Variants in CEP104 observed in about 807,000 individuals in gnomAD.
CEP104 encodes centrosomal protein 104.
CEP104 carries 84 observed loss-of-function variants against 113.3 expected under a neutral mutation model. The observed-to-expected ratio is 0.74, with a 90% CI of 0.62 to 0.89. The LOEUF (loss-of-function observed/expected upper bound fraction) is 0.89, where lower values mean the gene tolerates loss of function less well. CEP104 is among the 40% of genes least tolerant of loss of function. CEP104 has a pLI of 0.00. For synonymous variants in CEP104, 378 were observed against 421.7 expected (o/e 0.90, Z 1.27); for missense variants, 1,053 against 1,156.6 (o/e 0.91, Z 1.30).
chr1:3,828,152 C>A (rs914379780), intron 15 of CEP104, among the ~76,000 whole-genome samples: 1 of 152,152 alleles, frequency 6.6e-6, no homozygotes. Context: ...GTGAGGGAGG[C>A]GGGAGGCAGG....
Position 3,823,538 on chromosome 1 carries a change from C to G in CEP104, c.2389G>C (p.Glu797Gln), listed in dbSNP as rs1644023257. 6.2e-7 allele frequency: 1 copy of G among 1,614,104 alleles called. No individual in the cohort carries two copies. Among genetic ancestry groups the G allele is most frequent in the African/African-American group, 1.3e-5 (1 of 74,934 alleles). ...KQVVEISSLT[E>Q]HLLTECDKKD... Reference sequence around the variant, plus strand: ...TTGTCACATTCCGTCAGCAAGTGCTCCGTCAGACTGGATATCTCGACCACC... The same window carrying G: ...TTGTCACATTCCGTCAGCAAGTGCTGCGTCAGACTGGATATCTCGACCACC... The change falls in exon 19 of 22, where the codon GAG becomes CAG. Residue 797 changes from glutamate to glutamine, a missense_variant. By Grantham distance (29) the Glu-to-Gln change is conservative. Coordinates refer to ENST00000378230, the MANE Select transcript of CEP104 (RefSeq NM_014704.4). The surrounding 1 kb of genome is among the most constrained non-coding windows in gnomAD (Gnocchi z 4.1).
intron 13 of CEP104, among the ~76,000 whole-genome samples, chr1:3,830,557 A>G (rs990463451): frequency 2.6e-5 from 4 of 151,900 alleles, no homozygotes; most frequent in Non-Finnish European, 5.9e-5. Flanking sequence ...GCGGATCACG[A>G]GGTCAGGAGA....
rs898222302 is a variant in CEP104 at position 3,819,153 on chromosome 1, A to G, written c.2572-2783T>C. On this transcript the variant is annotated intron_variant, in intron 20 of 21. Transcript: ENST00000378230. This position sits in a 1 kb window ranked among gnomAD's most constrained non-coding sequence, Gnocchi z 4.6. ...GTATGTTCAAGGACTTGAACGTGCA[A>G]TGAAGTGCTACTGATCTATTAGAAC... is the stretch of plus-strand genomic sequence containing the variant. Among the ~76,000 whole-genome samples the G allele has an allele frequency of 6.6e-6, 1 of 152,226 alleles. No individual in the cohort carries two copies. Among genetic ancestry groups the G allele is most frequent in the Admixed American group, 6.5e-5 (1 of 15,286 alleles).
At chr1:3,846,943 A>T (rs750621928) in intron 4 of CEP104, among the ~76,000 whole-genome samples, 37 of 152,338 alleles carry the variant, frequency 2.4e-4, no homozygotes, top group Middle Eastern at 3.4e-3. Flanking sequence ...CTGAAGCTGG[A>T]GAGATTCTGG....
Position 3,834,934 on chromosome 1 carries a change from A to C in CEP104, c.1476T>G (p.Ile492Met). 1.9e-6 allele frequency: 3 copies of C among 1,590,876 alleles called. No individual in the cohort carries two copies. The highest frequency in any genetic ancestry group is 2.6e-6 in the Non-Finnish European group (3 of 1,167,798). Reference protein sequence around the residue: ...VFLVRRAIKDIVTSVFQASLK... With the variant: ...VFLVRRAIKDMVTSVFQASLK... The stretch of plus-strand genomic sequence containing the variant: ...AGCTGAGGGCACTCACGGAGGTCAC[A>C]ATGTCCTTTATGGCTCTTCTAACGA... Residue 492 changes from isoleucine (I) to methionine (M), a missense_variant, in exon 11 of 22, where the codon ATT (isoleucine) becomes ATG (methionine). By Grantham distance (10) the Ile-to-Met change is conservative (BLOSUM62 1). Transcript: ENST00000378230.
At chr1:3,851,113 A>T (rs1243427952) in intron 2 of CEP104, among the ~76,000 whole-genome samples, 2 of 152,092 alleles carry the variant, frequency 1.3e-5, no homozygotes, top group Non-Finnish European at 2.9e-5. Context: ...TGCTGCCTGC[A>T]TGGGCAGTGC....
intron 1 of CEP104, chr1:3,856,005 G>A (rs561057809): frequency 2.8e-5 from 26 of 935,278 alleles, no homozygotes; most frequent in Admixed American, 6.2e-5. Flanking sequence ...CCTAGTGCTG[G>A]CATGGTAAAA....
In CEP104 at chr1:3,834,983, T is replaced by C; in HGVS notation, c.1427A>G (p.Asn476Ser). The C allele has an allele frequency of 4.3e-6, 7 of 1,613,086 alleles. No homozygotes were observed. Among genetic ancestry groups the C allele is most frequent in the Non-Finnish European group, 5.1e-6 (6 of 1,179,490 alleles). Residue 476 changes from asparagine (N) to serine (S), a missense_variant, in exon 11 of 22, where the codon AAC becomes AGC. Physicochemically the swap from Asn to Ser is conservative, Grantham distance 46. Transcript: ENST00000378230. ...GAGAAAGACGGATGCTCTCAGTGTGTTCTTTAAATCTTCTTTTGGGGTTCC... is the reference window on the plus strand; with the variant it reads ...GAGAAAGACGGATGCTCTCAGTGTGCTCTTTAAATCTTCTTTTGGGGTTCC... Reference protein sequence around the residue: ...PVGTPKEDLKNTLRASVFLVR... With the variant: ...PVGTPKEDLKSTLRASVFLVR...
At position 3,837,469 on chromosome 1, in the gene CEP104, A is replaced by G; in HGVS notation, c.942T>C (p.Ser314=). Residue 314 remains serine, a synonymous_variant, in exon 9 of 22, where the codon AGT becomes AGC. Transcript: ENST00000378230. ...LPLQPLARSG[S]PCHQKPMPSL... is the part of the protein sequence containing the mutation. Reference sequence around the variant, plus strand: ...AGGGCATTGGCTTTTGGTGGCAAGGACTGCCAGAACGAGCGAGGGGCTGGA... The same window carrying G: ...AGGGCATTGGCTTTTGGTGGCAAGGGCTGCCAGAACGAGCGAGGGGCTGGA... 6.2e-7 allele frequency: 1 copy of G among 1,614,226 alleles called. No individual in the cohort carries two copies. The highest frequency in any genetic ancestry group is 1.1e-5 in the South Asian group (1 of 91,084).
At chr1:3,855,147 C>T (rs924452645) in intron 1 of CEP104, among the ~76,000 whole-genome samples, 1 of 147,934 alleles carries the variant, frequency 6.8e-6, no homozygotes, top group African/African-American at 2.5e-5. Context: ...GTTGGGATTA[C>T]AGGCGTGGCC....
At chr1:3,844,010 T>A (rs774801206) in intron 6 of CEP104, among the ~76,000 whole-genome samples, 14 of 151,008 alleles carry the variant, frequency 9.3e-5, no homozygotes, top group African/African-American at 3.4e-4. Flanking sequence ...TCCACCCACC[T>A]TTGGCCTCCC....
At chr1:3,855,880 C>T in intron 1 of CEP104, 1 of 984,248 alleles carries the variant, frequency 1.0e-6, no homozygotes, top group Non-Finnish European at 1.2e-6. Context: ...TCACCAGAGG[C>T]ATGAGGGATC....
At chr1:3,838,767 G>A (rs1644360490) in intron 8 of CEP104, among the ~76,000 whole-genome samples, 197 bp downstream of exon 8, 1 of 152,194 alleles carries the variant, frequency 6.6e-6, no homozygotes, top group Non-Finnish European at 1.5e-5. Context: ...CCACGACTGT[G>A]AGTCTCCTGA....
chr1:3,836,473 T>G (rs1052019453), intron 10 of CEP104, 22 bp downstream of exon 10: 1 of 1,381,754 alleles, frequency 7.2e-7, no homozygotes. Flanking sequence ...ACCCCGTTTT[T>G]TTTTTTTTTT....
Position 3,827,620 on chromosome 1 carries a change from C to T in CEP104, c.2152-876G>A, listed in dbSNP as rs1451992625. Among the ~76,000 whole-genome samples the T allele has an allele frequency of 2.0e-5, 3 of 152,228 alleles. No individual in the cohort carries two copies. The East Asian group carries it at 5.8e-4, about 29-fold the overall frequency. ...GTTGCACAACAATGTGAGAGCACTCCATGCCACCACAGTGTGCACTGAAAA... is the reference window on the plus strand; with the variant it reads ...GTTGCACAACAATGTGAGAGCACTCTATGCCACCACAGTGTGCACTGAAAA... On this transcript the variant is annotated intron_variant, in intron 15 of 21. Transcript: ENST00000378230.
chr1:3,850,791 G>C (rs1451700451), intron 2 of CEP104, among the ~76,000 whole-genome samples: 2 of 152,224 alleles, frequency 1.3e-5, no homozygotes, highest in African/African-American at 2.4e-5. Context: ...TCCTCTGAAA[G>C]CACGTTACTG....
Position 3,839,557 on chromosome 1 carries a change from T to C in CEP104, c.735+51A>G, listed in dbSNP as rs372194300. 10 of 1,516,608 alleles carry C rather than the reference T, an allele frequency of 6.6e-6. 1 individual carries two copies. In the African/African-American group the frequency reaches 1.3e-4, roughly 19 times the overall value. The allele number at this position is 1,516,608 out of a possible 1,614,324, so 93.9% of individuals were successfully genotyped here. A position where few individuals can be genotyped will look rare whatever the true frequency, so the allele number is the denominator to read the frequency against. ...ACCATGTAGTTATTCTAAGTATACATAAAACCTATTACAGGCATAAATTAG... is the reference window on the plus strand; with the variant it reads ...ACCATGTAGTTATTCTAAGTATACACAAAACCTATTACAGGCATAAATTAG... On this transcript the variant is annotated intron_variant, in intron 7 of 21. Coordinates refer to ENST00000378230, the MANE Select transcript of CEP104 (RefSeq NM_014704.4).
At position 3,816,322 on chromosome 1, in the gene CEP104, G is replaced by C. The variant is rs948380793; in HGVS notation, c.2620C>G (p.Arg874Gly). 3.9e-6 allele frequency: 6 copies of C among 1,553,582 alleles called. No homozygotes were observed. The highest frequency in any genetic ancestry group is 2.0e-5 in the Admixed American group (1 of 51,272). ...GCCTTCTGCAGAATGTGTGTCTTGC[G>C]CAGGTTCATCGTGCAGCCGGCTGGG... ...MGPAGCTMNLRKTHILQKAPA... is the reference protein window; with the variant it reads ...MGPAGCTMNLGKTHILQKAPA... Residue 874 changes from arginine (R) to glycine (G), a missense_variant, in exon 21 of 22, where the codon CGC (arginine) becomes GGC (glycine). By Grantham distance (125) the Arg-to-Gly change is moderately radical (BLOSUM62 -2). Coordinates refer to ENST00000378230, the MANE Select transcript of CEP104 (RefSeq NM_014704.4).
intron 6 of CEP104, among the ~76,000 whole-genome samples, chr1:3,843,558 C>T (rs1326974020): frequency 6.6e-6 from 1 of 151,574 alleles, no homozygotes; most frequent in Non-Finnish European, 1.5e-5. Context: ...TGACATGTTC[C>T]CCAGGCCGGT....
Sources: gnomAD v4.1 joint callset for allele counts (sites outside exome capture counted in the v4.1 genomes callset) on GRCh38, gnomAD v4.1.1 for gene constraint, Gnocchi (gnomAD v3.1) non-coding constraint, MANE v1.5 for transcripts, NCBI Gene and HGNC (gene_info 2026-07-23, HGNC 2026-07-21) for gene names.